ZC3H4: variants seen among roughly 807,000 people sequenced by gnomAD.
ZC3H4 encodes the protein zinc finger CCCH domain-containing protein 4.
In ZC3H4, 13 loss-of-function variants were observed where a neutral mutation model predicts 108.3. That is an observed-to-expected ratio of 0.12 (90% CI 0.08 to 0.19). The LOEUF (loss-of-function observed/expected upper bound fraction) is 0.19. Ranked by LOEUF, ZC3H4 falls within the 10% of genes least tolerant of loss-of-function variation. ZC3H4 has a pLI of 1.00. For synonymous variants in ZC3H4, 917 were observed against 749.6 expected (o/e 1.22, Z -3.65); for missense variants, 1,734 against 1,838.8 (o/e 0.94, Z 1.04).
At chr19:47,075,036 A>G (rs2057395493) in intron 11 of ZC3H4, among the ~76,000 whole-genome samples, 1 of 152,200 alleles carries the variant, frequency 6.6e-6, no homozygotes, top group African/African-American at 2.4e-5. Context: ...AGGAACAGCA[A>G]GGCGGACAGA....
chr19:47,090,137 T>A lies in ZC3H4; in HGVS notation c.545A>T (p.Tyr182Phe), dbSNP rs776521007. 5.5e-5 allele frequency: 88 copies of A among 1,614,062 alleles called. No homozygotes were observed. The Admixed American group carries it at 1.5e-3, about 27-fold the overall frequency. Residue 182 changes from tyrosine (Y) to phenylalanine (F), a missense_variant, in exon 5 of 15, where the codon TAC becomes TTC. Tyr to Phe is a conservative substitution (Grantham distance 22). Coordinates refer to ENST00000253048, the MANE Select transcript of ZC3H4 (RefSeq NM_015168.2). ...ATAACTCTTGCTGTCCATCTTGGAG[T>A]ATGCCTTCTTGGGCAGGGGCGTGGC... is the stretch of plus-strand genomic sequence containing the variant. ...SHATPLPKKA[Y>F]SKMDSKSYGM...
chr19:47,090,908 G>A (rs1032466874), intron 4 of ZC3H4, among the ~76,000 whole-genome samples: 4 of 152,150 alleles, frequency 2.6e-5, no homozygotes, highest in African/African-American at 9.7e-5. Flanking sequence ...GGGGCAGGCA[G>A]AGGGGAGAAG....
chr19:47,093,215 CAAAAAA>C (rs918382221), intron 4 of ZC3H4, among the ~76,000 whole-genome samples: 4 of 48,436 alleles, frequency 8.3e-5, no homozygotes, highest in East Asian at 1.3e-3. Context: ...GACTCTGCCT[CAAAAAA>C]AAAAAAAAAA....
At position 47,081,552 on chromosome 19, in the gene ZC3H4, G is replaced by A. The variant is rs552194457; in HGVS notation, c.1401C>T (p.His467=). The A allele has an allele frequency of 2.0e-5, 32 of 1,614,220 alleles. No individual in the cohort carries two copies. In the Middle Eastern group the frequency reaches 5.0e-4, roughly 25 times the overall value. ...CINGDDCMFS[H]DPLTEETREL... is the part of the protein sequence containing the mutation. ...CCCTCGTCTCTTCGGTCAGAGGGTC[G>A]TGGGAAAACATGCAGTCGTCACCAT... is the stretch of plus-strand genomic sequence containing the variant. Residue 467 remains histidine, a synonymous_variant, in exon 11 of 15, where the codon CAC becomes CAT. Coordinates refer to ENST00000253048, the MANE Select transcript of ZC3H4 (RefSeq NM_015168.2).
Position 47,084,412 on chromosome 19 carries a change from G to T in ZC3H4, c.1151C>A (p.Pro384His), listed in dbSNP as rs773853787. The T allele has an allele frequency of 6.2e-7, 1 of 1,614,210 alleles. No homozygotes were observed. The highest frequency in any genetic ancestry group is 8.5e-7 in the Non-Finnish European group (1 of 1,180,048). Residue 384 changes from proline to histidine, a missense_variant, in exon 9 of 15, where the codon CCC becomes CAC. Coordinates refer to ENST00000253048, the MANE Select transcript of ZC3H4 (RefSeq NM_015168.2). The stretch of plus-strand genomic sequence containing the variant: ...GCCTTTCTTGTCCGACTGCTGGTGG[G>T]GCTTGTCATGGTCACGACTCCGGTA... The part of the protein sequence containing the change: ...GSYRSRDHDK[P>H]HQQSDKKGKV...
At position 47,066,178 on chromosome 19, in the gene ZC3H4, A is replaced by G. The variant is rs1237477086; in HGVS notation, c.*178T>C. 2 of 546,012 alleles carry G rather than the reference A, an allele frequency of 3.7e-6. No individual in the cohort carries two copies. The highest frequency in any genetic ancestry group is 6.1e-6 in the Non-Finnish European group (2 of 326,868). 33.8% of individuals were successfully genotyped at this position (546,012 alleles called of 1,614,324 possible). ...AACTTAAGATGGTTATATACAATTTACAAATCTCAAAGAAAGTACTACTTT... is the reference window on the plus strand; with the variant it reads ...AACTTAAGATGGTTATATACAATTTGCAAATCTCAAAGAAAGTACTACTTT... On this transcript the variant is annotated 3_prime_UTR_variant, in exon 15 of 15. Transcript: ENST00000253048.
chr19:47,068,035 C>T (rs1278958887), intron 14 of ZC3H4, among the ~76,000 whole-genome samples, 166 bp from the exon 15 acceptor site: 1 of 152,138 alleles, frequency 6.6e-6, no homozygotes, highest in Non-Finnish European at 1.5e-5. Flanking sequence ...TGAGGAGACC[C>T]AGAGAGCTAA....
At position 47,066,100 on chromosome 19, in the gene ZC3H4, G is replaced by T; in HGVS notation, c.*256C>A. The T allele has an allele frequency of 2.9e-6, 1 of 348,956 alleles. No individual in the cohort carries two copies. Among genetic ancestry groups the T allele is most frequent in the Non-Finnish European group, 5.2e-6 (1 of 193,598 alleles). 21.6% of individuals were successfully genotyped at this position (348,956 alleles called of 1,614,324 possible). A position where few individuals can be genotyped will look rare whatever the true frequency, so the allele number is the denominator to read the frequency against. ...CACTGGCGAAAGTTCACAGGTTTGC[G>T]GGCATGAGTCGGTTTGCTCAGCAGG... On this transcript the variant is annotated 3_prime_UTR_variant, in exon 15 of 15. Transcript: ENST00000253048.
chr19:47,105,482 C>A (rs537470077), intron 2 of ZC3H4, among the ~76,000 whole-genome samples: 1 of 152,278 alleles, frequency 6.6e-6, no homozygotes, highest in African/African-American at 2.4e-5. Flanking sequence ...CGCCTGTAAT[C>A]CCAGCTACTC....
At chr19:47,103,986 C>T (rs574906714) in intron 2 of ZC3H4, among the ~76,000 whole-genome samples, 279 of 151,842 alleles carry the variant, frequency 1.8e-3, no homozygotes, top group Non-Finnish European at 3.5e-3. Flanking sequence ...AATAAGAGAT[C>T]TGGGCCTAAG....
At chr19:47,092,162 ACCACTGCACTCCAG>A (rs2057744494) in intron 4 of ZC3H4, among the ~76,000 whole-genome samples, 1 of 150,176 alleles carries the variant, frequency 6.7e-6, no homozygotes, top group East Asian at 2.0e-4. Context: ...GTGAGATCAC[ACCACTGCACTCCAG>A]CCTGGGCAAC....
chr19:47,068,688 C>G (rs1568529424), intron 14 of ZC3H4, among the ~76,000 whole-genome samples: 1 of 152,174 alleles, frequency 6.6e-6, no homozygotes, highest in Admixed American at 6.5e-5. Context: ...CTCGGTGGCT[C>G]GTGACTATGA....
chr19:47,067,282 G>A lies in ZC3H4; in HGVS notation c.2986C>T (p.Pro996Ser). ...PLPIPKQDAVPPVPAALQSMP... is the reference protein window; with the variant it reads ...PLPIPKQDAVSPVPAALQSMP... The stretch of plus-strand genomic sequence containing the variant: ...GATTGCAGGGCCGCGGGCACGGGGG[G>A]CACTGCGTCCTGCTTGGGGATGGGT... The change falls in exon 15 of 15, where the codon CCC becomes TCC. Residue 996 changes from proline to serine, a missense_variant. Coordinates refer to ENST00000253048, the MANE Select transcript of ZC3H4 (RefSeq NM_015168.2). The surrounding 1 kb of genome is among the most constrained non-coding windows in gnomAD (Gnocchi z 6.4). 6.3e-7 allele frequency: 1 copy of A among 1,589,584 alleles called. No individual in the cohort carries two copies. Among genetic ancestry groups the A allele is most frequent in the Non-Finnish European group, 8.6e-7 (1 of 1,167,442 alleles).
In ZC3H4 at chr19:47,069,262, A is replaced by G; in HGVS notation, c.2228T>C (p.Phe743Ser). ...FPEHPLEPDSFSEGGPPGRPK... is the reference protein window; with the variant it reads ...FPEHPLEPDSSSEGGPPGRPK... ...CCGGCCTGGGGGCCCTCCCTCAGAG[A>G]AGCTGTCGGGCTCCAGAGGGTGCTC... Residue 743 changes from phenylalanine to serine, a missense_variant, in exon 14 of 15, where the codon TTC (phenylalanine) becomes TCC (serine). Physicochemically the swap from Phe to Ser is radical, Grantham distance 155 (BLOSUM62 -2). This residue lies in a region of ZC3H4 where 540 missense variants were observed against 484.1 expected (regional missense o/e 1.12). Transcript: ENST00000253048. 6.2e-7 allele frequency: 1 copy of G among 1,613,866 alleles called. No homozygotes were observed. Among genetic ancestry groups the G allele is most frequent in the Non-Finnish European group, 8.5e-7 (1 of 1,179,910 alleles).
At chr19:47,076,691 T>C (rs140595180) in intron 11 of ZC3H4, among the ~76,000 whole-genome samples, 2,836 of 152,182 alleles carry the variant, frequency 0.019, 98 homozygotes, top group African/African-American at 0.065. Context: ...TTATCTCTAC[T>C]AAAAATACAA....
Position 47,067,382 on chromosome 19 carries a change from G to A in ZC3H4, c.2886C>T (p.Ile962=), listed in dbSNP as rs751249687. 1 of 1,609,262 alleles carries A rather than the reference G, an allele frequency of 6.2e-7. No individual in the cohort carries two copies. Among genetic ancestry groups the A allele is most frequent in the Admixed American group, 1.7e-5 (1 of 59,420 alleles). ...GCTTGCTCAGGGTCACGTCCTTCTT[G>A]ATGTGGCTGAACTGCTGCAGCTGTG... ...PRSQLQQFSH[I]KKDVTLSKPS... The change falls in exon 15 of 15, where the codon ATC becomes ATT. Residue 962 remains isoleucine (I), a synonymous_variant. Transcript: ENST00000253048. The surrounding 1 kb of genome is among the most constrained non-coding windows in gnomAD (Gnocchi z 6.4).
At chr19:47,105,910 G>A (rs1003518179) in intron 2 of ZC3H4, among the ~76,000 whole-genome samples, 5 of 152,160 alleles carry the variant, frequency 3.3e-5, no homozygotes, top group Non-Finnish European at 7.3e-5. Context: ...TAGCACACCA[G>A]ATCCACCACA....
At position 47,089,164 on chromosome 19, in the gene ZC3H4, CCA is replaced by C. The variant is rs1415743386; in HGVS notation, c.715+801_715+802del. 3.4e-5 allele frequency among the ~76,000 whole-genome samples: 5 copies of C among 148,782 alleles called. No individual in the cohort carries two copies. In the East Asian group the frequency reaches 9.9e-4, roughly 29 times the overall value. ...GAGGTTGCAGTGAGCCGAGATCGCG[CCA>C]CTGCACTCCAGCCTGGCGACAGAGC... On this transcript the variant is annotated intron_variant, in intron 5 of 14. Coordinates refer to ENST00000253048, the MANE Select transcript of ZC3H4 (RefSeq NM_015168.2).
At chr19:47,091,871 C>T (rs536354243) in intron 4 of ZC3H4, among the ~76,000 whole-genome samples, 37 of 151,960 alleles carry the variant, frequency 2.4e-4, no homozygotes, top group Non-Finnish European at 4.4e-4. Flanking sequence ...CCAGCTTGGG[C>T]GACAGAGCGA....
Sources: allele counts gnomAD v4.1 joint callset (sites outside exome capture counted in the v4.1 genomes callset), GRCh38; gene constraint gnomAD v4.1.1; regional missense constraint gnomAD v4.1.1; non-coding constraint Gnocchi (gnomAD v3.1); transcripts MANE v1.5; gene names NCBI Gene and HGNC (gene_info 2026-07-23, HGNC 2026-07-21).